Variants in IGSF21 observed in about 807,000 individuals in gnomAD.
IGSF21 encodes immunoglobin superfamily member 21, also known as immunoglobulin superfamily member 21.
A neutral mutation model predicts 46.8 loss-of-function variants in IGSF21; 28 were observed. That is an observed-to-expected ratio of 0.60 (90% CI 0.44 to 0.82). The LOEUF is 0.82. Among genes scored for constraint, IGSF21 ranks in the 40% least tolerant of loss-of-function variants. The pLI, the probability that IGSF21 is intolerant of heterozygous loss-of-function variation, is 0.00. For missense variants in IGSF21, 624 were observed against 665.5 expected (o/e 0.94, Z 0.69); for synonymous variants, 284 against 273.6 (o/e 1.04, Z -0.38).
chr1:18,186,507 T>C (rs75815749), intron 1 of IGSF21, among the ~76,000 whole-genome samples: 2,872 of 152,144 alleles, frequency 0.019, 91 homozygotes, highest in African/African-American at 0.065. Flanking sequence ...CCCAATCTGT[T>C]TCCCTGGCTG....
intron 2 of IGSF21, among the ~76,000 whole-genome samples, chr1:18,251,737 A>G (rs527267410): frequency 6.6e-6 from 1 of 152,142 alleles, no homozygotes; most frequent in Non-Finnish European, 1.5e-5. Flanking sequence ...AAGTGTGTAT[A>G]TGGAGGCTCT....
intron 6 of IGSF21, among the ~76,000 whole-genome samples, chr1:18,372,686 A>G (rs2086238658): frequency 6.9e-6 from 1 of 144,650 alleles, no homozygotes; most frequent in Admixed American, 6.8e-5. Flanking sequence ...GGATGGATGG[A>G]TGAGTGTTTA....
intron 1 of IGSF21, among the ~76,000 whole-genome samples, chr1:18,217,885 C>T (rs1395828099): frequency 3.9e-5 from 6 of 152,164 alleles, no homozygotes; most frequent in East Asian, 3.9e-4. Flanking sequence ...GGACACTATC[C>T]GACAGGGTTG....
intron 1 of IGSF21, among the ~76,000 whole-genome samples, chr1:18,143,252 T>C (rs1315327107): frequency 6.6e-6 from 1 of 152,180 alleles, no homozygotes; most frequent in Non-Finnish European, 1.5e-5. Flanking sequence ...GGGCTCAGGA[T>C]GCGGAGCTTC....
intron 3 of IGSF21, among the ~76,000 whole-genome samples, chr1:18,301,418 C>A (rs2085360903): frequency 6.6e-6 from 1 of 152,244 alleles, no homozygotes; most frequent in Non-Finnish European, 1.5e-5. Flanking sequence ...CAGCTCGCTG[C>A]AACCTCTGCC....
chr1:18,130,433 G>A (rs1261768382), intron 1 of IGSF21, among the ~76,000 whole-genome samples: 3 of 152,130 alleles, frequency 2.0e-5, no homozygotes, highest in East Asian at 3.9e-4. Context: ...TCTGGGCCTC[G>A]TTTTCCTTAC....
chr1:18,117,770 G>A (rs2086200088), intron 1 of IGSF21, among the ~76,000 whole-genome samples: 1 of 152,240 alleles, frequency 6.6e-6, no homozygotes, highest in Non-Finnish European at 1.5e-5. Context: ...ATCACTGGAA[G>A]AACCTTTGGG....
chr1:18,312,315 G>T (rs2085497243), intron 3 of IGSF21, among the ~76,000 whole-genome samples: 1 of 152,228 alleles, frequency 6.6e-6, no homozygotes, highest in Non-Finnish European at 1.5e-5. Context: ...GATTCACTGA[G>T]ATAGGTCGTG....
chr1:18,139,758 C>T (rs1210516446), intron 1 of IGSF21, among the ~76,000 whole-genome samples: 1 of 151,880 alleles, frequency 6.6e-6, no homozygotes, highest in Non-Finnish European at 1.5e-5. Context: ...CCTGGCTGTA[C>T]TCTCTGTATT....
chr1:18,212,033 A>G (rs2084397941), intron 1 of IGSF21, among the ~76,000 whole-genome samples: 1 of 152,240 alleles, frequency 6.6e-6, no homozygotes, highest in Non-Finnish European at 1.5e-5. Context: ...TCCATAAGGC[A>G]GGCTTGCTGG....
intron 3 of IGSF21, among the ~76,000 whole-genome samples, chr1:18,299,610 C>T (rs72655173): frequency 1.8e-4 from 27 of 152,240 alleles, no homozygotes; most frequent in Non-Finnish European, 2.4e-4. Flanking sequence ...GTTGTTGTTG[C>T]CAGGCACTCA....
intron 1 of IGSF21, among the ~76,000 whole-genome samples, chr1:18,152,634 C>A (rs2086531133): frequency 6.6e-6 from 1 of 152,122 alleles, no homozygotes; most frequent in African/African-American, 2.4e-5. Context: ...TTATCATAAT[C>A]ATGATTTCTC....
intron 3 of IGSF21, among the ~76,000 whole-genome samples, chr1:18,306,848 G>A (rs910720425): frequency 6.6e-6 from 1 of 152,172 alleles, no homozygotes; most frequent in Non-Finnish European, 1.5e-5. Context: ...TTCACTTATC[G>A]GCCCCTTCCT....
At chr1:18,212,675 AG>A (rs916962373) in intron 1 of IGSF21, among the ~76,000 whole-genome samples, 6 of 152,122 alleles carry the variant, frequency 3.9e-5, no homozygotes, top group Non-Finnish European at 7.4e-5. Flanking sequence ...AGCCCAACCC[AG>A]GGGGGGTCCT....
chr1:18,308,874 C>T (rs988987573), intron 3 of IGSF21, among the ~76,000 whole-genome samples: 15 of 152,158 alleles, frequency 9.9e-5, no homozygotes, highest in Non-Finnish European at 1.6e-4. Flanking sequence ...TCAAGGCGGG[C>T]ATCAGGCTAG....
chr1:18,279,910 T>C (rs2085142509), intron 2 of IGSF21, among the ~76,000 whole-genome samples: 1 of 152,190 alleles, frequency 6.6e-6, no homozygotes, highest in African/African-American at 2.4e-5. Context: ...ACAGGCCCAA[T>C]TGTGCACAGC....
chr1:18,221,238 A>G (rs1309644675), intron 1 of IGSF21, among the ~76,000 whole-genome samples: 1 of 152,174 alleles, frequency 6.6e-6, no homozygotes, highest in Admixed American at 6.5e-5. Flanking sequence ...ACCACGGTGA[A>G]GTTATAACAA....
chr1:18,108,768 G>A (rs1352617868), intron 1 of IGSF21, among the ~76,000 whole-genome samples: 1 of 151,840 alleles, frequency 6.6e-6, no homozygotes, highest in Non-Finnish European at 1.5e-5. Context: ...CAGGTCTCTA[G>A]GGGTGTACGA....
chr1:18,350,154 C>T (rs992885172), intron 4 of IGSF21, among the ~76,000 whole-genome samples: 2 of 152,102 alleles, frequency 1.3e-5, no homozygotes, highest in Admixed American at 6.5e-5. Flanking sequence ...TGGCCACAGG[C>T]AGAGAGGGAA....
Sources: gnomAD v4.1 joint callset for allele counts (sites outside exome capture counted in the v4.1 genomes callset) on GRCh38, gnomAD v4.1.1 for gene constraint, MANE v1.5 for transcripts, NCBI Gene and HGNC (gene_info 2026-07-23, HGNC 2026-07-21) for gene names.